The following FSCN2 variants were observed in gnomAD, a reference collection of about 807,000 sequenced individuals.
The protein encoded by FSCN2 is fascin actin-bundling protein 2, retinal.
In FSCN2, 46 loss-of-function variants were observed where a neutral mutation model predicts 37.8. That is an observed-to-expected ratio of 1.22 (90% CI 0.96 to 1.56). FSCN2 has a LOEUF of 1.56. Among genes scored for constraint, FSCN2 ranks in the 40% most tolerant of loss-of-function variants. The probability of loss-of-function intolerance (pLI) is 0.00; values close to 1 mark genes in which losing one functional copy is unlikely to be tolerated. For missense variants in FSCN2, 844 were observed against 730.4 expected (o/e 1.16, Z -1.79); for synonymous variants, 351 against 309.4 (o/e 1.13, Z -1.41).
In FSCN2 at chr17:81,528,554, A is replaced by T; in HGVS notation, c.23A>T (p.Gln8Leu). 6.2e-7 allele frequency: 1 copy of T among 1,603,788 alleles called. No homozygotes were observed. The highest frequency in any genetic ancestry group is 1.7e-5 in the Admixed American group (1 of 58,970). Reference sequence around the variant, plus strand: ...AAGATGCCGACGAACGGCCTGCACCAGGTGCTGAAGATCCAGTTTGGCCTC... The same window carrying T: ...AAGATGCCGACGAACGGCCTGCACCTGGTGCTGAAGATCCAGTTTGGCCTC... MPTNGLHQVLKIQFGLVN... is the reference protein window; with the variant it reads MPTNGLHLVLKIQFGLVN... Residue 8 changes from glutamine (Q) to leucine (L), a missense_variant, in exon 1 of 5, where the codon CAG becomes CTG. Gln to Leu is a moderately radical substitution (Grantham distance 113). Coordinates refer to ENST00000417245, the MANE Select transcript of FSCN2 (RefSeq NM_012418.4).
At chr17:81,530,000 C>T (rs1275982346) in intron 1 of FSCN2, 5 of 296,232 alleles carry the variant, frequency 1.7e-5, no homozygotes, top group African/African-American at 4.5e-5. Context: ...TTAGAAGAGA[C>T]GGGGTTTCAC....
In FSCN2 at chr17:81,528,682, G is replaced by A. The variant is rs797034438; in HGVS notation, c.151G>A (p.Asp51Asn). 25 of 1,601,704 alleles carry A rather than the reference G, an allele frequency of 1.6e-5. No homozygotes were observed. Among genetic ancestry groups the A allele is most frequent in the Non-Finnish European group, 1.8e-5 (21 of 1,174,960 alleles). The stretch of plus-strand genomic sequence containing the variant: ...GAAGCAGACCTGGGTGCTGGAACCC[G>A]ACCCAGGACAAGGCACGGCTGTGCT... ...KRKQTWVLEP[D>N]PGQGTAVLLR... Residue 51 changes from aspartate to asparagine, a missense_variant, in exon 1 of 5, where the codon GAC becomes AAC. Transcript: ENST00000417245.
chr17:81,516,243 G>C, the FSCN2 span, among the ~76,000 whole-genome samples: 1 of 152,356 alleles, frequency 6.6e-6, no homozygotes, highest in Admixed American at 6.5e-5. Context: ...CTTGAGTTTG[G>C]CCGTAAGTAT....
chr17:81,524,114 A>G (rs994985967), upstream of FSCN2, among the ~76,000 whole-genome samples: 2 of 152,160 alleles, frequency 1.3e-5, no homozygotes, highest in Admixed American at 1.3e-4. Context: ...TCAGAAAGGG[A>G]ACGATTTCCT....
upstream of FSCN2, among the ~76,000 whole-genome samples, chr17:81,524,480 G>A (rs541707570): frequency 8.1e-4 from 124 of 152,352 alleles, no homozygotes; most frequent in Middle Eastern, 3.4e-3. Flanking sequence ...GGCGAGGGTG[G>A]GGCGTGGAGC....
Position 81,535,076 on chromosome 17 carries a change from A to T in FSCN2, c.851A>T (p.Asp284Val). 1 of 1,533,136 alleles carries T rather than the reference A, an allele frequency of 6.5e-7. No homozygotes were observed. The highest frequency in any genetic ancestry group is 8.7e-7 in the Non-Finnish European group (1 of 1,144,948). The allele number at this position is 1,533,136 out of a possible 1,614,324, so 95.0% of individuals were successfully genotyped here. A position where few individuals can be genotyped will look rare whatever the true frequency, so the allele number is the denominator to read the frequency against. The change falls in exon 2 of 5, where the codon GAT (aspartate) becomes GTT (valine). Residue 284 changes from aspartate (D) to valine (V), a missense_variant. Coordinates refer to ENST00000417245, the MANE Select transcript of FSCN2 (RefSeq NM_012418.4). ...GGGGTCAACGTCTCAGCCAATCAGG[A>T]TGATGAACTAGACCACGAGACCTTC... ...RQGVNVSANQ[D>V]DELDHETFLM... is the part of the protein sequence containing the mutation.
upstream of FSCN2, among the ~76,000 whole-genome samples, chr17:81,525,001 T>TC (rs1184077371): frequency 2.0e-5 from 3 of 151,668 alleles, no homozygotes; most frequent in African/African-American, 7.3e-5. Context: ...TGTGCTGGGG[T>TC]CCCAGCTGCT....
upstream of FSCN2, among the ~76,000 whole-genome samples, chr17:81,524,290 C>T (rs1555669803): frequency 6.6e-6 from 1 of 152,114 alleles, no homozygotes; most frequent in Non-Finnish European, 1.5e-5. Flanking sequence ...GCCCTCTGGG[C>T]TCAGGTGAGG....
Position 81,528,424 on chromosome 17 carries a change from G to C in FSCN2, c.-108G>C, listed in dbSNP as rs1177935036. 2 of 796,892 alleles carry C rather than the reference G, an allele frequency of 2.5e-6. No homozygotes were observed. The highest frequency in any genetic ancestry group is 4.7e-5 in the Admixed American group (2 of 42,604). 49.4% of individuals were successfully genotyped at this position (796,892 alleles called of 1,614,324 possible). A position where few individuals can be genotyped will look rare whatever the true frequency, so the allele number is the denominator to read the frequency against. ...GGGGTTCGTGACGCCGGCTGGGTCT[G>C]GGGGCTGTGGGCCAGCCGAGCCGAC... On this transcript the variant is annotated 5_prime_UTR_variant, in exon 1 of 5. Transcript: ENST00000417245.
At chr17:81,532,211 AGTGATG>A (rs1232037742) in intron 1 of FSCN2, among the ~76,000 whole-genome samples, 2 of 40,368 alleles carry the variant, frequency 5.0e-5, no homozygotes, top group Non-Finnish European at 9.7e-5. Flanking sequence ...TGGTGATGAT[AGTGATG>A]GTGATGATGA....
chr17:81,536,951 C>A lies in FSCN2; in HGVS notation c.1350C>A (p.Val450=), dbSNP rs917893124. 9 of 1,563,650 alleles carry A rather than the reference C, an allele frequency of 5.8e-6. No homozygotes were observed. The highest frequency in any genetic ancestry group is 4.2e-5 in the African/African-American group (3 of 70,944). Reference sequence around the variant, plus strand: ...ACGGCGAACGCGCCGAGGACTTCGTCTTCGAGTTCCGTGAGCGCGGCCGCC... The same window carrying A: ...ACGGCGAACGCGCCGAGGACTTCGTATTCGAGTTCCGTGAGCGCGGCCGCC... ...CSDGERAEDF[V]FEFRERGRLA... Residue 450 remains valine (V), a synonymous_variant, in exon 5 of 5, where the codon GTC becomes GTA. Coordinates refer to ENST00000417245, the MANE Select transcript of FSCN2 (RefSeq NM_012418.4).
chr17:81,520,864 A>G, the FSCN2 span, among the ~76,000 whole-genome samples: 2 of 151,902 alleles, frequency 1.3e-5, no homozygotes, highest in African/African-American at 4.8e-5. Context: ...TATTTCTTTT[A>G]CAATTTCTTT....
In FSCN2 at chr17:81,528,728, G is replaced by A; in HGVS notation, c.197G>A (p.Gly66Asp). 1 of 1,595,836 alleles carries A rather than the reference G, an allele frequency of 6.3e-7. No homozygotes were observed. The highest frequency in any genetic ancestry group is 8.5e-7 in the Non-Finnish European group (1 of 1,172,352). ...GTGCTGCTCCGCAGCAGCCACCTGG[G>A]CCGCTACCTGTCGGCAGAAGAGGAC... ...TAVLLRSSHL[G>D]RYLSAEEDGR... Residue 66 changes from glycine to aspartate, a missense_variant, in exon 1 of 5, where the codon GGC (glycine) becomes GAC (aspartate). Physicochemically the swap from Gly to Asp is moderately conservative, Grantham distance 94. Transcript: ENST00000417245.
At position 81,536,813 on chromosome 17, in the gene FSCN2, C is replaced by A. The variant is rs747131865; in HGVS notation, c.1273+24C>A. 5 of 1,558,230 alleles carry A rather than the reference C, an allele frequency of 3.2e-6. No homozygotes were observed. In the African/African-American group the frequency reaches 6.8e-5, roughly 21 times the overall value. On this transcript the variant is annotated intron_variant, in intron 4 of 4. Transcript: ENST00000417245. ...AGGTGCGTGGCGGGGCGGGTGGGCA[C>A]GCGGGAGCGGGGGTGGCAGCGGGCA...
At chr17:81,519,634 G>A in the FSCN2 span, among the ~76,000 whole-genome samples, 1 of 152,214 alleles carries the variant, frequency 6.6e-6, no homozygotes, top group African/African-American at 2.4e-5. Context: ...GGGCGGGGCC[G>A]GTCGCTGAGT....
intron 1 of FSCN2, chr17:81,530,058 C>T (rs2143855807): frequency 4.0e-6 from 1 of 247,992 alleles, no homozygotes. Context: ...GATCTGTCCA[C>T]CTCGGCCTCC....
At chr17:81,520,610 A>G in the FSCN2 span, among the ~76,000 whole-genome samples, 1 of 152,240 alleles carries the variant, frequency 6.6e-6, no homozygotes, top group Non-Finnish European at 1.5e-5. Flanking sequence ...TTGGTGAGAG[A>G]TGGAATTTCA....
At chr17:81,533,183 A>G (rs570263797) in intron 1 of FSCN2, among the ~76,000 whole-genome samples, 2 of 151,984 alleles carry the variant, frequency 1.3e-5, no homozygotes, top group East Asian at 3.9e-4. Context: ...GCGGCCCCTA[A>G]CCCTCTCTTC....
intron 3 of FSCN2, 80 bp downstream of exon 3, chr17:81,536,347 A>C: frequency 6.6e-7 from 1 of 1,512,394 alleles, no homozygotes; most frequent in Non-Finnish European, 8.9e-7. Context: ...CCCCATCTCC[A>C]CCAAGAGCTG....
Sources: gnomAD v4.1 joint callset for allele counts (sites outside exome capture counted in the v4.1 genomes callset) on GRCh38, gnomAD v4.1.1 for gene constraint, MANE v1.5 for transcripts, NCBI Gene and HGNC (gene_info 2026-07-23, HGNC 2026-07-21) for gene names.